Variants in DPH6 observed in about 807,000 individuals in gnomAD.
DPH6 encodes the protein diphthamine biosynthesis 6.
Under a neutral mutation model 38.2 loss-of-function variants are expected in DPH6, and 33 were observed. The observed-to-expected ratio is 0.86, with a 90% confidence interval of 0.65 to 1.15. The LOEUF (loss-of-function observed/expected upper bound fraction) is 1.15, where lower values mean the gene tolerates loss of function less well. Ranked by LOEUF, DPH6 falls within the 50% of genes most tolerant of loss-of-function variation. The pLI, the probability that DPH6 is intolerant of heterozygous loss-of-function variation, is 0.00. For missense variants in DPH6, 325 were observed against 320.0 expected (o/e 1.02, Z -0.12); for synonymous variants, 108 against 103.0 (o/e 1.05, Z -0.30).
rs575358766 is a variant in DPH6 at position 35,521,545 on chromosome 15, C to T, written c.312+16729G>A. 2.5e-6 allele frequency: 3 copies of T among 1,223,674 alleles called. No individual in the cohort carries two copies. In the East Asian group the frequency reaches 9.6e-5, roughly 39 times the overall value. 75.8% of individuals were successfully genotyped at this position (1,223,674 alleles called of 1,614,324 possible). ...GAGTTGTGTTCAATTTTGAAGAAAT[C>T]TAAGAGAAAGTGTCATGAACTGTGA... On this transcript the variant is annotated intron_variant, in intron 3 of 8. Transcript: ENST00000256538.
At chr15:35,451,850 A>C (rs1237428432) in intron 4 of DPH6, among the ~76,000 whole-genome samples, 1 of 152,130 alleles carries the variant, frequency 6.6e-6, no homozygotes, top group Non-Finnish European at 1.5e-5. Context: ...CTCTACTAAA[A>C]ATACAAAAAA....
At chr15:35,292,790 T>A (rs2051988827) in intron 3 of DPH6, among the ~76,000 whole-genome samples, 1 of 152,210 alleles carries the variant, frequency 6.6e-6, no homozygotes, top group African/African-American at 2.4e-5. Flanking sequence ...ACAACTTTTT[T>A]GAGATGGCTT....
intron 5 of DPH6, among the ~76,000 whole-genome samples, chr15:35,412,987 G>T (rs551405646): frequency 4.0e-5 from 5 of 124,336 alleles, no homozygotes; most frequent in African/African-American, 7.4e-5. Context: ...ATGAACTTTG[G>T]GTGATTATGA....
chr15:35,410,832 T>C lies in DPH6; in HGVS notation c.567+3A>G, dbSNP rs749446674. ...CATTTTGAGATCTAGTATAAATTCT[T>C]ACCTCTATGAGATAAGGCTCCATTT... On this transcript the variant is annotated splice_donor_region_variant and intron_variant, in intron 6 of 8. Transcript: ENST00000256538. The C allele has an allele frequency of 1.1e-5, 18 of 1,596,382 alleles. No individual in the cohort carries two copies. Among genetic ancestry groups the C allele is most frequent in the Non-Finnish European group, 1.5e-5 (18 of 1,172,082 alleles).
At chr15:35,310,941 C>T (rs553235814) in intron 3 of DPH6, among the ~76,000 whole-genome samples, 7 of 151,622 alleles carry the variant, frequency 4.6e-5, no homozygotes, top group East Asian at 3.9e-4. Flanking sequence ...TGCCTGTAAT[C>T]CCAGCTACTC....
chr15:35,248,926 T>C (rs2051654177), intron 3 of DPH6, among the ~76,000 whole-genome samples: 1 of 152,254 alleles, frequency 6.6e-6, no homozygotes, highest in African/African-American at 2.4e-5. Context: ...AATTAAAGTT[T>C]CATGCATTAC....
intron 3 of DPH6, among the ~76,000 whole-genome samples, chr15:35,335,371 T>C (rs1250483258): frequency 6.6e-6 from 1 of 152,034 alleles, no homozygotes; most frequent in Non-Finnish European, 1.5e-5. Flanking sequence ...AGTTTTTTTA[T>C]TTTTTATTTT....
intron 3 of DPH6, chr15:35,237,369 C>G: frequency 6.2e-7 from 1 of 1,600,218 alleles, no homozygotes; most frequent in Non-Finnish European, 8.6e-7. Context: ...CGGAACAGGA[C>G]GCCCTCTGAT....
intron 3 of DPH6, among the ~76,000 whole-genome samples, chr15:35,352,623 T>C (rs928419752): frequency 1.3e-5 from 2 of 152,250 alleles, no homozygotes; most frequent in African/African-American, 4.8e-5. Flanking sequence ...TCATTTTTTA[T>C]GGCTGCATAG....
intron 3 of DPH6, among the ~76,000 whole-genome samples, chr15:35,290,747 C>T (rs924333410): frequency 6.6e-6 from 1 of 152,016 alleles, no homozygotes. Context: ...GCCCTTTGTG[C>T]ATGCCATAGT....
At chr15:35,263,983 G>C (rs1004063273) in intron 3 of DPH6, among the ~76,000 whole-genome samples, 1 of 152,018 alleles carries the variant, frequency 6.6e-6, no homozygotes, top group African/African-American at 2.4e-5. Context: ...AAAGTGCTAG[G>C]ATTACAGGCG....
intron 3 of DPH6, among the ~76,000 whole-genome samples, chr15:35,471,468 C>T (rs564087381): frequency 7.2e-5 from 11 of 152,344 alleles, no homozygotes; most frequent in East Asian, 1.9e-4. Context: ...ATTGATACAA[C>T]TATTAGATTT....
chr15:35,456,404 T>C (rs4923687), intron 3 of DPH6, among the ~76,000 whole-genome samples: 99,670 of 149,654 alleles, frequency 0.67, 35,814 homozygotes, highest in South Asian at 0.83. Context: ...CTAGAGATCA[T>C]GGAAACAAAG....
intron 3 of DPH6, among the ~76,000 whole-genome samples, chr15:35,223,798 T>G (rs997365409): frequency 6.6e-6 from 1 of 152,126 alleles, no homozygotes; most frequent in East Asian, 1.9e-4. Context: ...GTTTATATTA[T>G]AGTTTCACCC....
intron 5 of DPH6, among the ~76,000 whole-genome samples, chr15:35,445,307 G>C (rs1390995253): frequency 6.7e-6 from 1 of 149,932 alleles, no homozygotes; most frequent in Non-Finnish European, 1.5e-5. Context: ...ATATTGTCTT[G>C]ATTTATGTCC....
intron 3 of DPH6, among the ~76,000 whole-genome samples, chr15:35,236,898 A>C (rs79790566): frequency 0.032 from 4,816 of 152,238 alleles, 257 homozygotes; most frequent in African/African-American, 0.11. Context: ...TGACACTTTT[A>C]ATGTATTCTG....
At chr15:35,343,597 G>A (rs1321131451) in intron 3 of DPH6, among the ~76,000 whole-genome samples, 2 of 151,904 alleles carry the variant, frequency 1.3e-5, no homozygotes, top group African/African-American at 4.8e-5. Flanking sequence ...CTTTATAAAT[G>A]TGGCAATGAA....
chr15:35,391,850 T>A (rs2053063346), intron 6 of DPH6, among the ~76,000 whole-genome samples: 1 of 152,188 alleles, frequency 6.6e-6, no homozygotes, highest in Non-Finnish European at 1.5e-5. Context: ...CCCACTGTCC[T>A]GCACCCGCTG....
At chr15:35,260,571 T>G (rs1188544387) in intron 3 of DPH6, among the ~76,000 whole-genome samples, 1 of 151,644 alleles carries the variant, frequency 6.6e-6, no homozygotes, top group African/African-American at 2.4e-5. Flanking sequence ...ATCTGAAGAC[T>G]TCATTTATAA....
Sources: allele counts gnomAD v4.1 joint callset (sites outside exome capture counted in the v4.1 genomes callset), GRCh38; gene constraint gnomAD v4.1.1; transcripts MANE v1.5; gene names NCBI Gene and HGNC (gene_info 2026-07-23, HGNC 2026-07-21).